The following SLC25A21 variants were observed in gnomAD, a reference collection of about 807,000 sequenced individuals.
SLC25A21 encodes mitochondrial 2-oxodicarboxylate carrier.
A neutral mutation model predicts 43.8 loss-of-function variants in SLC25A21; 47 were observed. That is an observed-to-expected ratio of 1.07 (90% CI 0.85 to 1.37). The LOEUF (loss-of-function observed/expected upper bound fraction) is 1.37, where lower values mean the gene tolerates loss of function less well. Ranked by LOEUF, SLC25A21 falls within the 40% of genes most tolerant of loss-of-function variation. The pLI, the probability that SLC25A21 is intolerant of heterozygous loss-of-function variation, is 0.00. For missense variants in SLC25A21, 352 were observed against 350.2 expected (o/e 1.00, Z -0.04); for synonymous variants, 131 against 121.3 (o/e 1.08, Z -0.52).
intron 1 of SLC25A21, among the ~76,000 whole-genome samples, chr14:37,013,340 T>A (rs1960774317): frequency 6.6e-6 from 1 of 152,148 alleles, no homozygotes; most frequent in African/African-American, 2.4e-5. Flanking sequence ...TAGAACAGGA[T>A]ACACATGGCT....
At chr14:36,955,639 T>A (rs7147556) in intron 1 of SLC25A21, among the ~76,000 whole-genome samples, 1 of 151,968 alleles carries the variant, frequency 6.6e-6, no homozygotes, top group African/African-American at 2.4e-5. Flanking sequence ...TAAAGATGTA[T>A]GATAAATGTG....
rs1470394196 is a variant in SLC25A21 at position 36,683,872 on chromosome 14, G to A, written c.794C>T (p.Ala265Val). 1 of 1,604,964 alleles carries A rather than the reference G, an allele frequency of 6.2e-7. No homozygotes were observed. Residue 265 changes from alanine (A) to valine (V), a missense_variant, in exon 9 of 10, where the codon GCT becomes GTT. Ala to Val is a moderately conservative substitution (Grantham distance 64). Transcript: ENST00000331299. ...ATVYQEEGIL[A>V]LYKGLLPKIM... ...CTTGGGAAGCAGGCCTTTGTACAAA[G>A]CTAAAATCCTGTAATGGGAAGGGAA...
intron 1 of SLC25A21, among the ~76,000 whole-genome samples, chr14:37,013,852 G>A (rs1267141833): frequency 6.6e-6 from 1 of 151,960 alleles, no homozygotes; most frequent in Non-Finnish European, 1.5e-5. Context: ...CCAGACCATT[G>A]CAATAAAGCA....
intron 1 of SLC25A21, among the ~76,000 whole-genome samples, chr14:37,114,013 A>G (rs1963064971): frequency 6.6e-6 from 1 of 152,228 alleles, no homozygotes; most frequent in Non-Finnish European, 1.5e-5. Context: ...ATTAAGCATT[A>G]AAAGTAGTAG....
At chr14:36,820,562 TCA>T (rs1196636042) in intron 2 of SLC25A21, among the ~76,000 whole-genome samples, 2 of 152,196 alleles carry the variant, frequency 1.3e-5, no homozygotes, top group African/African-American at 4.8e-5. Flanking sequence ...TGCCACTGAC[TCA>T]CAGTGTAAAC....
Position 36,744,521 on chromosome 14 carries a change from A to T in SLC25A21, c.204-9948T>A, listed in dbSNP as rs567306447. 6.6e-5 allele frequency among the ~76,000 whole-genome samples: 9 copies of T among 136,716 alleles called. No individual in the cohort carries two copies. The East Asian group carries it at 1.9e-3, about 28-fold the overall frequency. The allele number at this position is 136,716 out of a possible 152,430, so 89.7% of individuals were successfully genotyped here. A position where few individuals can be genotyped will look rare whatever the true frequency, so the allele number is the denominator to read the frequency against. On this transcript the variant is annotated intron_variant, in intron 3 of 9. Transcript: ENST00000331299. Reference sequence around the variant, plus strand: ...TGAAACTGGACCCCTATCTCTCACCATATACAAAAATCAACTCAAAATGGA... The same window carrying T: ...TGAAACTGGACCCCTATCTCTCACCTTATACAAAAATCAACTCAAAATGGA...
chr14:36,871,934 A>G (rs1377500305), intron 2 of SLC25A21, among the ~76,000 whole-genome samples: 1 of 152,242 alleles, frequency 6.6e-6, no homozygotes, highest in Non-Finnish European at 1.5e-5. Flanking sequence ...AGAAATAACT[A>G]TATTTCTAGG....
intron 1 of SLC25A21, among the ~76,000 whole-genome samples, chr14:37,098,786 C>CAGACAGAT (rs1555346899): frequency 5.7e-5 from 8 of 139,212 alleles, no homozygotes; most frequent in African/African-American, 1.8e-4. Context: ...GACAGACAGA[C>CAGACAGAT]AGATAGATAG....
rs190676431 is a variant in SLC25A21, at chr14:36,920,121, T to G, written c.71-45117A>C. The stretch of plus-strand genomic sequence containing the variant: ...GTAGTCCAGTAACATTTCTTCCAGA[T>G]GCTGTGTTAATTAAGATTCTTTTTT... On this transcript the variant is annotated intron_variant, in intron 1 of 9. Transcript: ENST00000331299. 1.7e-3 allele frequency among the ~76,000 whole-genome samples: 262 copies of G among 152,218 alleles called. 1 individual carries two copies. The highest frequency in any genetic ancestry group is 6.1e-3 in the African/African-American group (252 of 41,578).
chr14:36,954,593 G>A (rs1223653824), intron 1 of SLC25A21, among the ~76,000 whole-genome samples: 2 of 151,796 alleles, frequency 1.3e-5, no homozygotes, highest in Non-Finnish European at 2.9e-5. Context: ...TTCTGAAATA[G>A]TCCAGATCTA....
chr14:37,130,204 C>T (rs1963369616), intron 1 of SLC25A21, among the ~76,000 whole-genome samples: 1 of 151,998 alleles, frequency 6.6e-6, no homozygotes, highest in Admixed American at 6.6e-5. Flanking sequence ...TTAGAGGCTG[C>T]AGTGAGCTAT....
chr14:36,749,811 T>C (rs1323128793), intron 3 of SLC25A21, among the ~76,000 whole-genome samples: 1 of 152,196 alleles, frequency 6.6e-6, no homozygotes. Flanking sequence ...TTAACTTCCA[T>C]TACCTCCCCT....
chr14:36,856,074 A>G (rs547952572), intron 2 of SLC25A21, among the ~76,000 whole-genome samples: 5 of 152,250 alleles, frequency 3.3e-5, no homozygotes, highest in Admixed American at 1.3e-4. Context: ...ACCCTGGTTA[A>G]CCTTACCAAG....
intron 2 of SLC25A21, among the ~76,000 whole-genome samples, chr14:36,849,767 T>G (rs2138512953): frequency 6.6e-6 from 1 of 152,332 alleles, no homozygotes; most frequent in South Asian, 2.1e-4. Context: ...CTGCTAAAAC[T>G]CATGCTAGAA....
At chr14:36,902,337 C>A (rs1037471989) in intron 1 of SLC25A21, among the ~76,000 whole-genome samples, 8 of 152,138 alleles carry the variant, frequency 5.3e-5, no homozygotes, top group Admixed American at 3.3e-4. Context: ...CCAGTGATTA[C>A]ACAGGTAGGG....
intron 1 of SLC25A21, among the ~76,000 whole-genome samples, chr14:36,999,571 A>T (rs549509800): frequency 1.3e-5 from 2 of 152,288 alleles, no homozygotes; most frequent in African/African-American, 2.4e-5. Flanking sequence ...ACAAGTGGGC[A>T]GGGGTGATGT....
At chr14:36,683,093 A>T (rs1882358889) in intron 9 of SLC25A21, among the ~76,000 whole-genome samples, 2 of 152,234 alleles carry the variant, frequency 1.3e-5, no homozygotes, top group Non-Finnish European at 2.9e-5. Flanking sequence ...TGATAAAAAA[A>T]ATATATGTGT....
intron 4 of SLC25A21, among the ~76,000 whole-genome samples, chr14:36,734,017 A>T (rs1388922715): frequency 6.6e-6 from 1 of 151,878 alleles, no homozygotes; most frequent in Non-Finnish European, 1.5e-5. Context: ...CTAAGGGGGA[A>T]AATGAAGTTG....
intron 1 of SLC25A21, among the ~76,000 whole-genome samples, chr14:37,148,474 C>G (rs985406831): frequency 6.6e-6 from 1 of 152,188 alleles, no homozygotes; most frequent in South Asian, 2.1e-4. Flanking sequence ...AACTATGATT[C>G]CTACAAGAAA....
Sources: gnomAD v4.1 joint callset for allele counts (sites outside exome capture counted in the v4.1 genomes callset) on GRCh38, gnomAD v4.1.1 for gene constraint, MANE v1.5 for transcripts, NCBI Gene and HGNC (gene_info 2026-07-23, HGNC 2026-07-21) for gene names.